MRPL35: variants seen among roughly 807,000 people sequenced by gnomAD.
The protein encoded by MRPL35 is mitochondrial ribosomal protein L35, also known as large ribosomal subunit protein bL35m.
Under a neutral mutation model 21.6 loss-of-function variants are expected in MRPL35, and 18 were observed. That is an observed-to-expected ratio of 0.83 (90% confidence interval 0.58 to 1.24). MRPL35 has a LOEUF of 1.24. Ranked by LOEUF, MRPL35 falls within the 50% of genes most tolerant of loss-of-function variation. MRPL35 has a pLI of 0.00. For synonymous variants in MRPL35, 87 were observed against 86.9 expected (o/e 1.00, Z -0.01); for missense variants, 223 against 223.2 (o/e 1.00, Z 0.01).
At chr2:86,205,870 T>C (rs560072240) in intron 1 of MRPL35, among the ~76,000 whole-genome samples, 1 of 152,324 alleles carries the variant, frequency 6.6e-6, no homozygotes, top group South Asian at 2.1e-4. Context: ...CCGACTTGGT[T>C]GTGATGATGG....
rs924566301 is a variant in MRPL35 at position 86,211,725 on chromosome 2, T to C, written c.*1057T>C. On this transcript the variant is annotated 3_prime_UTR_variant, in exon 4 of 4. Transcript: ENST00000337109. Reference sequence around the variant, plus strand: ...CTCTGTTGCCCAGGCTGGAGTGCAGTGGTGCAATCATAGCTCATTGAAGCC... The same window carrying C: ...CTCTGTTGCCCAGGCTGGAGTGCAGCGGTGCAATCATAGCTCATTGAAGCC... The C allele has an allele frequency of 3.1e-6, 3 of 982,928 alleles. No individual in the cohort carries two copies. The East Asian group carries it at 3.4e-4, about 111-fold the overall frequency. 60.9% of individuals were successfully genotyped at this position (982,928 alleles called of 1,614,324 possible). A position where few individuals can be genotyped will look rare whatever the true frequency, so the allele number is the denominator to read the frequency against.
At chr2:86,204,020 T>C (rs573140500) in intron 1 of MRPL35, among the ~76,000 whole-genome samples, 1 of 152,190 alleles carries the variant, frequency 6.6e-6, no homozygotes, top group South Asian at 2.1e-4. Flanking sequence ...GTTTCACTTT[T>C]GTTGCCGAGG....
chr2:86,210,346 C>A, intron 3 of MRPL35, 134 bp from the exon 4 acceptor site: 11 of 249,044 alleles, frequency 4.4e-5, no homozygotes, highest in East Asian at 1.6e-4. Flanking sequence ...AGAATCACAT[C>A]TTTCCAAGAA....
chr2:86,201,620 AGT>A (rs1453648388), intron 1 of MRPL35, among the ~76,000 whole-genome samples: 1 of 152,270 alleles, frequency 6.6e-6, no homozygotes, highest in Non-Finnish European at 1.5e-5. Context: ...CAATTTAAAG[AGT>A]GATGTGACAG....
chr2:86,213,709 A>G lies in MRPL35; in HGVS notation c.*3041A>G. ...CGTCTGTTTGCACAATTGAAACTCT[A>G]CCAGTGGACTATTCTATTTTCACAG... On this transcript the variant is annotated 3_prime_UTR_variant, in exon 4 of 4. Coordinates refer to ENST00000337109, the MANE Select transcript of MRPL35 (RefSeq NM_016622.4). 6.5e-7 allele frequency: 1 copy of G among 1,531,548 alleles called. No individual in the cohort carries two copies. The highest frequency in any genetic ancestry group is 8.8e-7 in the Non-Finnish European group (1 of 1,130,650). 94.9% of individuals were successfully genotyped at this position (1,531,548 alleles called of 1,614,324 possible). A position where few individuals can be genotyped will look rare whatever the true frequency, so the allele number is the denominator to read the frequency against.
rs1319346090 is a variant in MRPL35 at position 86,211,131 on chromosome 2, G to A, written c.*463G>A. On this transcript the variant is annotated 3_prime_UTR_variant, in exon 4 of 4. Transcript: ENST00000337109. Reference sequence around the variant, plus strand: ...TGCTCCTCAGCAGGGGAAGGTGGATGTTTAGGCTTGGGCTCTGCATGCATG... The same window carrying A: ...TGCTCCTCAGCAGGGGAAGGTGGATATTTAGGCTTGGGCTCTGCATGCATG... The A allele has an allele frequency of 2.0e-6, 2 of 986,856 alleles. No individual in the cohort carries two copies. The highest frequency in any genetic ancestry group is 2.4e-6 in the Non-Finnish European group (2 of 831,024). The allele number at this position is 986,856 out of a possible 1,614,324, so 61.1% of individuals were successfully genotyped here. A position where few individuals can be genotyped will look rare whatever the true frequency, so the allele number is the denominator to read the frequency against.
intron 1 of MRPL35, among the ~76,000 whole-genome samples, chr2:86,203,565 T>C (rs1210571407): frequency 1.3e-5 from 2 of 152,234 alleles, no homozygotes; most frequent in Non-Finnish European, 2.9e-5. Context: ...ATCTCCTTTA[T>C]GCAAAATTTT....
chr2:86,210,727 G>A lies in MRPL35; in HGVS notation c.*59G>A. 1 of 1,498,782 alleles carries A rather than the reference G, an allele frequency of 6.7e-7. No homozygotes were observed. 92.8% of individuals were successfully genotyped at this position (1,498,782 alleles called of 1,614,324 possible). The stretch of plus-strand genomic sequence containing the variant: ...TATGTATCTTTGTGTACATATCTTT[G>A]CAAAAATGGATAAGTACAAAACTTG... On this transcript the variant is annotated 3_prime_UTR_variant, in exon 4 of 4. Coordinates refer to ENST00000337109, the MANE Select transcript of MRPL35 (RefSeq NM_016622.4).
Position 86,213,367 on chromosome 2 carries a change from C to A in MRPL35, c.*2699C>A. The A allele has an allele frequency of 8.0e-7, 1 of 1,250,474 alleles. No homozygotes were observed. The highest frequency in any genetic ancestry group is 1.0e-6 in the Non-Finnish European group (1 of 998,368). 77.5% of individuals were successfully genotyped at this position (1,250,474 alleles called of 1,614,324 possible). On this transcript the variant is annotated 3_prime_UTR_variant, in exon 4 of 4. Coordinates refer to ENST00000337109, the MANE Select transcript of MRPL35 (RefSeq NM_016622.4). ...GAATGGATTTCCAGCCTTTTTTTCC[C>A]ATCTGTTCCTGCTTTTAGTCCTCTG... is the stretch of plus-strand genomic sequence containing the variant.
At chr2:86,199,695 G>T (rs1237392308) in intron 1 of MRPL35, among the ~76,000 whole-genome samples, 162 bp downstream of exon 1, 1 of 152,180 alleles carries the variant, frequency 6.6e-6, no homozygotes, top group African/African-American at 2.4e-5. Context: ...CCGGCAGCCC[G>T]TACCAAGTCC....
In MRPL35 at chr2:86,213,019, G is replaced by A. The variant is rs1673941470; in HGVS notation, c.*2351G>A. 1.2e-6 allele frequency: 1 copy of A among 812,802 alleles called. No individual in the cohort carries two copies. The highest frequency in any genetic ancestry group is 1.5e-6 in the Non-Finnish European group (1 of 672,832). The allele number at this position is 812,802 out of a possible 1,614,324, so 50.3% of individuals were successfully genotyped here. ...AGTCTTACAAAGGACATAATGATTA[G>A]TTAAGCCCTAATTTAGATTTGAGGA... On this transcript the variant is annotated 3_prime_UTR_variant, in exon 4 of 4. Coordinates refer to ENST00000337109, the MANE Select transcript of MRPL35 (RefSeq NM_016622.4).
chr2:86,212,396 G>C lies in MRPL35; in HGVS notation c.*1728G>C, dbSNP rs1382117307. On this transcript the variant is annotated 3_prime_UTR_variant, in exon 4 of 4. Transcript: ENST00000337109. ...GAAACATGGAATGGCATTCTGTTTTGATGGATTTTCATTTCTTCGCACTTC... is the reference window on the plus strand; with the variant it reads ...GAAACATGGAATGGCATTCTGTTTTCATGGATTTTCATTTCTTCGCACTTC... The C allele has an allele frequency of 7.4e-6, 12 of 1,613,638 alleles. No homozygotes were observed. The highest frequency in any genetic ancestry group is 3.3e-4 in the Middle Eastern group (2 of 6,080).
intron 1 of MRPL35, among the ~76,000 whole-genome samples, chr2:86,200,623 T>C (rs1673666351): frequency 6.6e-6 from 1 of 152,242 alleles, no homozygotes. Flanking sequence ...TTCTTTTACA[T>C]TGTGAGATTC....
intron 3 of MRPL35, 39 bp downstream of exon 3, chr2:86,207,366 T>C: frequency 1.3e-6 from 2 of 1,592,234 alleles, no homozygotes; most frequent in Non-Finnish European, 8.6e-7. Context: ...AAAAGGAATG[T>C]GAGGCCGGGC....
intron 1 of MRPL35, 68 bp from the exon 2 acceptor site, chr2:86,206,038 A>T: frequency 7.5e-7 from 1 of 1,337,654 alleles, no homozygotes; most frequent in Non-Finnish European, 1.0e-6. Flanking sequence ...GCAGTGATAC[A>T]TCTCTTAATT....
intron 1 of MRPL35, among the ~76,000 whole-genome samples, chr2:86,203,110 C>T (rs201590835): frequency 1.1e-4 from 16 of 149,868 alleles, no homozygotes; most frequent in East Asian, 9.8e-4. Context: ...GACGGAGTCC[C>T]GCTCTGTCGC....
rs759269483 is a variant in MRPL35 at position 86,213,673 on chromosome 2, G to A, written c.*3005G>A. The A allele has an allele frequency of 6.5e-7, 1 of 1,550,148 alleles. No homozygotes were observed. On this transcript the variant is annotated 3_prime_UTR_variant, in exon 4 of 4. Coordinates refer to ENST00000337109, the MANE Select transcript of MRPL35 (RefSeq NM_016622.4). ...GAAGAAATGTTCAGAGAAGAAAAAT[G>A]ATGGACCAAACGTCTGTTTGCACAA...
At chr2:86,209,007 C>G (rs972364005) in intron 3 of MRPL35, among the ~76,000 whole-genome samples, 16 of 152,132 alleles carry the variant, frequency 1.1e-4, no homozygotes, top group Non-Finnish European at 1.5e-5. Flanking sequence ...ATAGTGGTTC[C>G]ATTCTGTGAA....
Position 86,199,522 on chromosome 2 carries a change from G to A in MRPL35, c.32G>A (p.Arg11Lys), listed in dbSNP as rs773669532. 6 of 1,614,080 alleles carry A rather than the reference G, an allele frequency of 3.7e-6. No individual in the cohort carries two copies. The highest frequency in any genetic ancestry group is 1.3e-5 in the African/African-American group (1 of 74,944). Reference protein sequence around the residue: MAASAFAGAVRAASGILRPLN... With the variant: MAASAFAGAVKAASGILRPLN... ...GCCTCTGCCTTTGCTGGTGCAGTGAGAGCAGCTTCAGGTCAGTGGAGAGCG... is the reference window on the plus strand; with the variant it reads ...GCCTCTGCCTTTGCTGGTGCAGTGAAAGCAGCTTCAGGTCAGTGGAGAGCG... The change falls in exon 1 of 4, where the codon AGA becomes AAA. Residue 11 changes from arginine (R) to lysine (K), a missense_variant. By Grantham distance (26) the Arg-to-Lys change is conservative. Transcript: ENST00000337109.
Sources: allele counts gnomAD v4.1 joint callset (sites outside exome capture counted in the v4.1 genomes callset), GRCh38; gene constraint gnomAD v4.1.1; transcripts MANE v1.5; gene names NCBI Gene and HGNC (gene_info 2026-07-23, HGNC 2026-07-21).